Variants in ZMYND11 observed in about 807,000 individuals in gnomAD.
ZMYND11 encodes zinc finger MYND-type containing 11.
In ZMYND11, 9 loss-of-function variants were observed where a neutral mutation model predicts 84.9. The ratio of observed to expected loss-of-function variants is 0.11; its 90% CI spans 0.06 to 0.18. The LOEUF (loss-of-function observed/expected upper bound fraction) is 0.18. ZMYND11 is among the 10% of genes least tolerant of loss of function. The pLI, the probability that ZMYND11 is intolerant of heterozygous loss-of-function variation, is 1.00. For missense variants in ZMYND11, 409 were observed against 761.0 expected, an observed-to-expected ratio of 0.54 and a Z score of 5.44; for synonymous variants, 250 against 244.1, an observed-to-expected ratio of 1.02 and a Z score of -0.23.
intron 5 of ZMYND11, 83 bp downstream of exon 5, chr10:236,998 A>G: frequency 7.4e-7 from 1 of 1,343,478 alleles, no homozygotes; most frequent in Non-Finnish European, 1.0e-6. Flanking sequence ...AATGATCGAG[A>G]AGTAACAAAT....
At chr10:202,314 T>C (rs907000631) in intron 2 of ZMYND11, among the ~76,000 whole-genome samples, 4 of 152,220 alleles carry the variant, frequency 2.6e-5, no homozygotes, top group African/African-American at 9.7e-5. Flanking sequence ...TATGAATTTC[T>C]TTGAACTTAT....
chr10:147,479 A>G (rs185492182), intron 1 of ZMYND11, among the ~76,000 whole-genome samples: 61 of 151,628 alleles, frequency 4.0e-4, no homozygotes, highest in African/African-American at 1.4e-3. Context: ...CAAGCTTCAA[A>G]TTTTTATTTT....
At chr10:230,227 C>G (rs1564421884) in intron 4 of ZMYND11, among the ~76,000 whole-genome samples, 1 of 152,122 alleles carries the variant, frequency 6.6e-6, no homozygotes, top group Non-Finnish European at 1.5e-5. Context: ...GTAATCCCAG[C>G]ACTGTGGGAG....
At chr10:168,673 A>AAAT (rs1190639234) in intron 1 of ZMYND11, among the ~76,000 whole-genome samples, 2 of 152,146 alleles carry the variant, frequency 1.3e-5, no homozygotes, top group Non-Finnish European at 2.9e-5. Flanking sequence ...GAACAAGCAA[A>AAAT]AATAATAATA....
chr10:248,704 T>C (rs902960128), intron 13 of ZMYND11, 96 bp downstream of exon 13: 1 of 1,451,850 alleles, frequency 6.9e-7, no homozygotes, highest in African/African-American at 1.4e-5. Context: ...TAGCAGCTTT[T>C]ACATGTAGCC....
chr10:229,026 A>G (rs901707673), intron 4 of ZMYND11, among the ~76,000 whole-genome samples: 1 of 152,148 alleles, frequency 6.6e-6, no homozygotes, highest in Admixed American at 6.5e-5. Flanking sequence ...TTTGTAGACT[A>G]TATTTGAGAG....
intron 6 of ZMYND11, among the ~76,000 whole-genome samples, chr10:238,622 C>T (rs1950379404): frequency 6.6e-6 from 1 of 152,184 alleles, no homozygotes; most frequent in African/African-American, 2.4e-5. Context: ...TCCCAAAGTG[C>T]TGGGATTACA....
chr10:204,738 C>T (rs144993969), intron 2 of ZMYND11, among the ~76,000 whole-genome samples: 15 of 152,132 alleles, frequency 9.9e-5, no homozygotes, highest in Non-Finnish European at 2.1e-4. Flanking sequence ...TGCCTTTCAA[C>T]GTGTTATCAA....
intron 1 of ZMYND11, chr10:155,077 G>A (rs1841385952): frequency 6.6e-6 from 1 of 152,050 alleles, no homozygotes; most frequent in South Asian, 2.1e-4. Context: ...TTGGCTTTTG[G>A]CTTTGGCTTT....
At chr10:168,758 CAGAT>C (rs1844599334) in intron 1 of ZMYND11, among the ~76,000 whole-genome samples, 1 of 152,050 alleles carries the variant, frequency 6.6e-6, no homozygotes, top group Non-Finnish European at 1.5e-5. Flanking sequence ...ATTGGAGAGA[CAGAT>C]AGGTAGATAT....
At chr10:223,149 C>A (rs1271254507) in intron 4 of ZMYND11, among the ~76,000 whole-genome samples, 1 of 151,984 alleles carries the variant, frequency 6.6e-6, no homozygotes, top group Admixed American at 6.6e-5. Context: ...TCTGCCTCAG[C>A]CTCCCGAGTA....
intron 4 of ZMYND11, among the ~76,000 whole-genome samples, chr10:226,021 C>G (rs1227907039): frequency 1.3e-5 from 2 of 152,142 alleles, no homozygotes; most frequent in Non-Finnish European, 2.9e-5. Flanking sequence ...TTGCAGTTTG[C>G]CACATGGGGC....
rs1954025391 is a variant in ZMYND11 at position 254,481 on chromosome 10, G to A, written c.*2011G>A. The A allele has an allele frequency of 6.6e-6, 1 of 152,544 alleles. No individual in the cohort carries two copies. The highest frequency in any genetic ancestry group is 2.4e-5 in the African/African-American group (1 of 41,406). 9.4% of individuals were successfully genotyped at this position (152,544 alleles called of 1,614,324 possible). ...TTTCTGCAAATCATAAAGCTATATC[G>A]AGGTGTTGAGCTTAGCCACTATGCA... On this transcript the variant is annotated 3_prime_UTR_variant, in exon 15 of 15. Coordinates refer to ENST00000381604, the MANE Select transcript of ZMYND11 (RefSeq NM_001370100.5).
At position 246,829 on chromosome 10, in the gene ZMYND11, G is replaced by A; in HGVS notation, c.1014G>A (p.Lys338=). 6.2e-7 allele frequency: 1 copy of A among 1,614,152 alleles called. No individual in the cohort carries two copies. Among genetic ancestry groups the A allele is most frequent in the Non-Finnish European group, 8.5e-7 (1 of 1,180,032 alleles). The part of the protein sequence containing the change: ...ITVNIHRLHV[K]RSMGWKKACD... ...TCAACATTCATCGGCTGCACGTGAA[G>A]CGCAGTATGGGTTGGAAAAAGGCCT... The change falls in exon 11 of 15, where the codon AAG becomes AAA. Residue 338 remains lysine (K), a synonymous_variant. Transcript: ENST00000381604.
rs116611572 is a variant in ZMYND11 at position 161,990 on chromosome 10, C to T, written c.-19-18004C>T. On this transcript the variant is annotated intron_variant, in intron 1 of 14. Transcript: ENST00000381604. ...GTTTGGCTTAAGAGGCCCAGCTTTC[C>T]GCCTGTCTTGGCTTTCGACATGCCT... 1.5e-3 allele frequency among the ~76,000 whole-genome samples: 228 copies of T among 152,308 alleles called. 1 individual carries two copies. Among genetic ancestry groups the T allele is most frequent in the African/African-American group, 4.5e-3 (186 of 41,542 alleles).
intron 3 of ZMYND11, among the ~76,000 whole-genome samples, chr10:212,374 G>A (rs1945401044): frequency 1.3e-5 from 2 of 151,826 alleles, no homozygotes; most frequent in Non-Finnish European, 2.9e-5. Context: ...AATTCTGATT[G>A]GTTCTTTCTT....
chr10:227,395 T>A (rs997325499), intron 4 of ZMYND11, among the ~76,000 whole-genome samples: 2 of 152,252 alleles, frequency 1.3e-5, no homozygotes, highest in African/African-American at 2.4e-5. Context: ...ACTTGGAATG[T>A]TAAGCCTCAT....
intron 3 of ZMYND11, among the ~76,000 whole-genome samples, chr10:215,965 C>T (rs1946141389): frequency 1.3e-5 from 2 of 152,128 alleles, no homozygotes; most frequent in Admixed American, 1.3e-4. Flanking sequence ...TTTCTGGCTT[C>T]TTAAAGAGAT....
At chr10:210,559 G>T (rs1588975092) in intron 3 of ZMYND11, among the ~76,000 whole-genome samples, 1 of 152,180 alleles carries the variant, frequency 6.6e-6, no homozygotes. Context: ...AATGACAATT[G>T]CAAGTTTTGT....
Sources: allele counts gnomAD v4.1 joint callset (sites outside exome capture counted in the v4.1 genomes callset), GRCh38; gene constraint gnomAD v4.1.1; transcripts MANE v1.5; gene names NCBI Gene and HGNC (gene_info 2026-07-23, HGNC 2026-07-21).